The following DAAM2 variants were observed in gnomAD, a reference collection of about 807,000 sequenced individuals.
DAAM2 encodes the protein dishevelled associated activator of morphogenesis 2.
Under a neutral mutation model 120.7 loss-of-function variants are expected in DAAM2, and 39 were observed. The ratio of observed to expected loss-of-function variants is 0.32; its 90% CI spans 0.25 to 0.42. The LOEUF (loss-of-function observed/expected upper bound fraction) is 0.42. Ranked by LOEUF, DAAM2 falls within the 10% of genes least tolerant of loss-of-function variation. The pLI is 1.00. For synonymous variants in DAAM2, 488 were observed against 524.9 expected (o/e 0.93, Z 0.96); for missense variants, 1,283 against 1,401.7 (o/e 0.92, Z 1.35).
chr6:39,829,603 T>G (rs1762803799), intron 1 of DAAM2, among the ~76,000 whole-genome samples: 1 of 152,208 alleles, frequency 6.6e-6, no homozygotes, highest in Non-Finnish European at 1.5e-5. Context: ...TTAATGTCTG[T>G]GGGATAACAA....
Position 39,792,668 on chromosome 6 carries a change from CTGTG to C in DAAM2, c.-57+212_-57+215del, listed in dbSNP as rs1453128318. Among the ~76,000 whole-genome samples, 4 of 152,160 alleles carry C rather than the reference CTGTG, an allele frequency of 2.6e-5. No individual in the cohort carries two copies. The East Asian group carries it at 7.7e-4, about 29-fold the overall frequency. ...CGACCCCGGAGTGGGCTCCCAGGGC[CTGTG>C]TGTGTGTGAGTTGTGTGTGTGTATG... On this transcript the variant is annotated intron_variant, in intron 1 of 24. Coordinates refer to ENST00000274867, the MANE Select transcript of DAAM2 (RefSeq NM_001201427.2).
At chr6:39,818,192 A>AC (rs534248453) in intron 1 of DAAM2, among the ~76,000 whole-genome samples, 3 of 145,712 alleles carry the variant, frequency 2.1e-5, no homozygotes, top group East Asian at 2.2e-4. Flanking sequence ...TAAAAAAAAA[A>AC]AAAAAAAAAA....
chr6:39,902,064 C>T lies in DAAM2; in HGVS notation c.*27C>T, dbSNP rs147431506. On this transcript the variant is annotated 3_prime_UTR_variant, in exon 25 of 25. Coordinates refer to ENST00000274867, the MANE Select transcript of DAAM2 (RefSeq NM_001201427.2). ...CTGGGGAACTAGCCACACAGGAGGC[C>T]GGGAGACAGGGACTGGTGAGAATGG... is the stretch of plus-strand genomic sequence containing the variant. 1.8e-4 allele frequency: 287 copies of T among 1,563,814 alleles called. No homozygotes were observed. Among genetic ancestry groups the T allele is most frequent in the Admixed American group, 5.6e-4 (32 of 57,412 alleles).
intron 1 of DAAM2, among the ~76,000 whole-genome samples, chr6:39,800,626 T>C (rs1761833665): frequency 6.6e-6 from 1 of 152,154 alleles, no homozygotes; most frequent in South Asian, 2.1e-4. Context: ...GTTAGCCTTT[T>C]TGGAGCAGCC....
At chr6:39,864,359 G>T in intron 3 of DAAM2, 74 bp from the exon 4 acceptor site, 1 of 1,170,666 alleles carries the variant, frequency 8.5e-7, no homozygotes, top group Non-Finnish European at 1.3e-6. Flanking sequence ...CTGCTGACAC[G>T]GAATGAAGCT....
intron 1 of DAAM2, among the ~76,000 whole-genome samples, chr6:39,854,024 C>T (rs1266880315): frequency 6.6e-6 from 1 of 152,162 alleles, no homozygotes; most frequent in Non-Finnish European, 1.5e-5. Flanking sequence ...TATCAAGTCC[C>T]AGGGGAACCC....
At position 39,904,696 on chromosome 6, in the gene DAAM2, A is replaced by G. The variant is rs865895422; in HGVS notation, c.*2659A>G. 2 of 452,868 alleles carry G rather than the reference A, an allele frequency of 4.4e-6. No homozygotes were observed. The highest frequency in any genetic ancestry group is 4.1e-5 in the African/African-American group (2 of 49,174). 28.1% of individuals were successfully genotyped at this position (452,868 alleles called of 1,614,324 possible). On this transcript the variant is annotated 3_prime_UTR_variant, in exon 25 of 25. Coordinates refer to ENST00000274867, the MANE Select transcript of DAAM2 (RefSeq NM_001201427.2). ...ACCAACTGGGGAACTGTGACTATCT[A>G]TCTCCCCCGACTTCTACCAGGGATG...
chr6:39,799,886 A>G (rs1044314946), intron 1 of DAAM2, among the ~76,000 whole-genome samples: 2 of 152,216 alleles, frequency 1.3e-5, no homozygotes, highest in Non-Finnish European at 2.9e-5. Context: ...ATTTGTCCAT[A>G]CAAATACCTA....
intron 11 of DAAM2, among the ~76,000 whole-genome samples, chr6:39,876,201 C>G (rs1333013267): frequency 6.6e-6 from 1 of 152,104 alleles, no homozygotes; most frequent in African/African-American, 2.4e-5. Context: ...AATAATAAGG[C>G]CTTACATTAA....
chr6:39,807,373 T>A (rs1762039756), intron 1 of DAAM2, among the ~76,000 whole-genome samples: 1 of 152,226 alleles, frequency 6.6e-6, no homozygotes, highest in Non-Finnish European at 1.5e-5. Flanking sequence ...AATTAAAGCA[T>A]AAAATTATGT....
Position 39,878,701 on chromosome 6 carries a change from G to C in DAAM2, c.1545+113G>C. ...GGACCCCAGCATGAGGGAGAAGGGA[G>C]ATGGAGACCTTGGGCCAGGATAGAA... On this transcript the variant is annotated intron_variant, in intron 13 of 24. Transcript: ENST00000274867. This position sits in a 1 kb window ranked among gnomAD's most constrained non-coding sequence, Gnocchi z 5.0. The C allele has an allele frequency of 9.0e-7, 1 of 1,117,264 alleles. No homozygotes were observed. The highest frequency in any genetic ancestry group is 1.3e-6 in the Non-Finnish European group (1 of 790,356). The allele number at this position is 1,117,264 out of a possible 1,614,324, so 69.2% of individuals were successfully genotyped here. A position where few individuals can be genotyped will look rare whatever the true frequency, so the allele number is the denominator to read the frequency against.
chr6:39,868,261 T>G (rs983874157), intron 6 of DAAM2: 1 of 244,882 alleles, frequency 4.1e-6, no homozygotes, highest in Admixed American at 5.0e-5. Context: ...TGTGGGACAC[T>G]GGGACCATCC....
At chr6:39,810,123 C>G (rs973173787) in intron 1 of DAAM2, among the ~76,000 whole-genome samples, 1 of 152,198 alleles carries the variant, frequency 6.6e-6, no homozygotes, top group Admixed American at 6.5e-5. Flanking sequence ...CTCGGAAAGT[C>G]CTGGCCATAC....
chr6:39,897,082 CA>C (rs1766149848), intron 20 of DAAM2, 92 bp from the exon 21 acceptor site: 1 of 1,517,598 alleles, frequency 6.6e-7, no homozygotes, highest in Non-Finnish European at 9.0e-7. Flanking sequence ...TAAGACTCAT[CA>C]CCCCTTTCTC....
At chr6:39,888,631 G>A in intron 16 of DAAM2, 48 bp from the exon 17 acceptor site, 2 of 1,549,390 alleles carry the variant, frequency 1.3e-6, no homozygotes, top group Non-Finnish European at 8.9e-7. Flanking sequence ...ACCTTTTGGA[G>A]AAGAAGGTTT....
At chr6:39,884,836 C>T (rs1765302432) in intron 15 of DAAM2, 1 of 152,328 alleles carries the variant, frequency 6.6e-6, no homozygotes, top group African/African-American at 2.4e-5. Flanking sequence ...GCTTCTCAGA[C>T]CTCATCCTGG....
intron 1 of DAAM2, among the ~76,000 whole-genome samples, chr6:39,844,257 A>G (rs532733735): frequency 5.5e-4 from 83 of 152,216 alleles, no homozygotes; most frequent in African/African-American, 1.8e-3. Flanking sequence ...TTCAAGCTCA[A>G]TGGGGATGCA....
chr6:39,887,342 C>A, intron 15 of DAAM2, 144 bp from the exon 16 acceptor site: 1 of 601,164 alleles, frequency 1.7e-6, no homozygotes, highest in South Asian at 2.1e-5. Flanking sequence ...ATTATCCACC[C>A]TCCTCTCTCT....
intron 1 of DAAM2, among the ~76,000 whole-genome samples, chr6:39,796,360 A>G (rs1053862006): frequency 1.3e-5 from 2 of 152,142 alleles, no homozygotes; most frequent in Admixed American, 6.5e-5. Context: ...CCAGTGGTCA[A>G]CTTCTCTTGA....
Sources: gnomAD v4.1 joint callset for allele counts (sites outside exome capture counted in the v4.1 genomes callset) on GRCh38, gnomAD v4.1.1 for gene constraint, Gnocchi (gnomAD v3.1) non-coding constraint, MANE v1.5 for transcripts, NCBI Gene and HGNC (gene_info 2026-07-23, HGNC 2026-07-21) for gene names.